TPST1: variants seen among roughly 807,000 people sequenced by gnomAD.
TPST1 encodes the protein tyrosylprotein sulfotransferase 1.
Under a neutral mutation model 34.8 loss-of-function variants are expected in TPST1, and 20 were observed. The ratio of observed to expected loss-of-function variants is 0.57; its 90% confidence interval spans 0.40 to 0.84. The LOEUF (loss-of-function observed/expected upper bound fraction) is 0.84, where lower values mean the gene tolerates loss of function less well. Among genes scored for constraint, TPST1 ranks in the 40% least tolerant of loss-of-function variants. TPST1 has a pLI of 0.00. For synonymous variants in TPST1, 152 were observed against 159.4 expected (o/e 0.95, Z 0.35); for missense variants, 353 against 455.5 (o/e 0.78, Z 2.05).
chr7:66,248,870 A>C (rs573860540), intron 2 of TPST1, among the ~76,000 whole-genome samples: 12 of 152,150 alleles, frequency 7.9e-5, no homozygotes, highest in African/African-American at 2.4e-4. Flanking sequence ...TTGGGCTGCT[A>C]TAACAAAATA....
At chr7:66,229,676 A>G (rs2116335383) in intron 1 of TPST1, among the ~76,000 whole-genome samples, 1 of 152,232 alleles carries the variant, frequency 6.6e-6, no homozygotes, top group South Asian at 2.1e-4. Flanking sequence ...GTAAGTATAT[A>G]TTTACATTTA....
Position 66,282,070 on chromosome 7 carries a change from T to C in TPST1, c.846-4441T>C, listed in dbSNP as rs540263438. Among the ~76,000 whole-genome samples, 3 of 152,252 alleles carry C rather than the reference T, an allele frequency of 2.0e-5. No individual in the cohort carries two copies. In the South Asian group the frequency reaches 6.2e-4, roughly 32 times the overall value. ...TGTACCAGTCTGTGAGGCACTATGT[T>C]TTGAGGTCTCAGTAAGCTAAAGGGG... On this transcript the variant is annotated intron_variant, in intron 2 of 5. Transcript: ENST00000304842.
intron 1 of TPST1, among the ~76,000 whole-genome samples, chr7:66,230,462 C>T (rs942953696): frequency 1.3e-5 from 2 of 152,088 alleles, no homozygotes; most frequent in South Asian, 2.1e-4. Context: ...CGGCTGTGTT[C>T]GGAGTTTCTT....
intron 2 of TPST1, among the ~76,000 whole-genome samples, chr7:66,264,214 T>A (rs1790545799): frequency 6.6e-6 from 1 of 152,196 alleles, no homozygotes; most frequent in African/African-American, 2.4e-5. Flanking sequence ...CATTGCTTCC[T>A]GAATCAAGAA....
chr7:66,240,605 C>T lies in TPST1; in HGVS notation c.180C>T (p.Asn60=). The change falls in exon 2 of 6, where the codon AAC becomes AAT. Residue 60 remains asparagine, a synonymous_variant. Transcript: ENST00000304842. ...TVRTGLDLKA[N]KTFAYHKDMP... ...GAACTGGCCTGGACCTCAAAGCCAA[C>T]AAAACCTTTGCCTATCACAAAGATA... 6.2e-7 allele frequency: 1 copy of T among 1,614,186 alleles called. No individual in the cohort carries two copies. Among genetic ancestry groups the T allele is most frequent in the Non-Finnish European group, 8.5e-7 (1 of 1,180,034 alleles).
chr7:66,209,438 A>G (rs1057245522), intron 1 of TPST1, among the ~76,000 whole-genome samples: 4 of 152,140 alleles, frequency 2.6e-5, no homozygotes. Context: ...GAACCTTTGA[A>G]GGATTTCTTC....
In TPST1 at chr7:66,240,873, G is replaced by A; in HGVS notation, c.448G>A (p.Gly150Arg). The change falls in exon 2 of 6, where the codon GGG (glycine) becomes AGG (arginine). Residue 150 changes from glycine (G) to arginine (R), a missense_variant. Gly to Arg is a moderately radical substitution (Grantham distance 125). Coordinates refer to ENST00000304842, the MANE Select transcript of TPST1 (RefSeq NM_003596.4). ...AFLLEIIVKHGEPAPYLCNKD... is the reference protein window; with the variant it reads ...AFLLEIIVKHREPAPYLCNKD... ...CTTACTAGAAATTATCGTTAAGCAT[G>A]GGGAGCCAGCCCCTTATTTATGTAA... is the stretch of plus-strand genomic sequence containing the variant. The A allele has an allele frequency of 6.2e-7, 1 of 1,614,152 alleles. No homozygotes were observed. Among genetic ancestry groups the A allele is most frequent in the Non-Finnish European group, 8.5e-7 (1 of 1,180,030 alleles).
intron 2 of TPST1, among the ~76,000 whole-genome samples, chr7:66,249,696 A>C (rs1790223320): frequency 6.6e-6 from 1 of 152,228 alleles, no homozygotes; most frequent in African/African-American, 2.4e-5. Flanking sequence ...TTGTGGACTC[A>C]GACTTTCTTG....
At chr7:66,294,283 G>A (rs1791146703) in intron 3 of TPST1, among the ~76,000 whole-genome samples, 1 of 152,042 alleles carries the variant, frequency 6.6e-6, no homozygotes, top group South Asian at 2.1e-4. Flanking sequence ...TTCACTGATA[G>A]GCTATTTGAT....
chr7:66,266,593 C>T (rs1414597887), intron 2 of TPST1, among the ~76,000 whole-genome samples: 4 of 152,202 alleles, frequency 2.6e-5, no homozygotes, highest in Non-Finnish European at 2.9e-5. Flanking sequence ...TATAGCAGCA[C>T]TATTCATAGT....
chr7:66,328,859 GCTCTCTCTCTCTCT>G (rs755431410), intron 3 of TPST1, among the ~76,000 whole-genome samples: 1 of 18,416 alleles, frequency 5.4e-5, no homozygotes, highest in Non-Finnish European at 9.8e-5. Context: ...TCTCTCTCCC[GCTCTCTCTCTCTCT>G]CTCTCTCTCT....
chr7:66,319,444 C>A (rs1791704277), intron 3 of TPST1, among the ~76,000 whole-genome samples: 1 of 152,174 alleles, frequency 6.6e-6, no homozygotes, highest in African/African-American at 2.4e-5. Flanking sequence ...TTTAAAACAT[C>A]AAAAGTTGAT....
At chr7:66,319,348 C>T (rs763145594) in intron 3 of TPST1, among the ~76,000 whole-genome samples, 13 of 152,074 alleles carry the variant, frequency 8.5e-5, no homozygotes, top group Non-Finnish European at 1.6e-4. Context: ...TGCTCTTTAA[C>T]GTGTCCAGTA....
upstream of TPST1, among the ~76,000 whole-genome samples, chr7:66,203,913 A>ATGCC (rs1789067374): frequency 1.3e-5 from 2 of 152,204 alleles, no homozygotes; most frequent in South Asian, 4.1e-4. Flanking sequence ...ACGGTGGCCC[A>ATGCC]TGCCTGTAAT....
At chr7:66,319,527 A>G (rs1022780472) in intron 3 of TPST1, among the ~76,000 whole-genome samples, 1 of 152,242 alleles carries the variant, frequency 6.6e-6, no homozygotes, top group Admixed American at 6.5e-5. Context: ...TCAAGAAGAT[A>G]GATATCTCTA....
chr7:66,354,161 C>T (rs1331726873), intron 4 of TPST1, among the ~76,000 whole-genome samples: 2 of 152,052 alleles, frequency 1.3e-5, no homozygotes, highest in African/African-American at 2.4e-5. Context: ...CAGAAGAATC[C>T]GACCACCTCG....
At chr7:66,278,100 C>CAAAAAAAAAAAA (rs35654351) in intron 2 of TPST1, among the ~76,000 whole-genome samples, 1 of 50,246 alleles carries the variant, frequency 2.0e-5, no homozygotes, top group Admixed American at 3.5e-4. Flanking sequence ...GACTCCATCT[C>CAAAAAAAAAAAA]AAAAAAAAAA....
intron 1 of TPST1, among the ~76,000 whole-genome samples, chr7:66,236,706 T>C (rs867281682): frequency 1.3e-5 from 2 of 152,176 alleles, no homozygotes; most frequent in South Asian, 2.1e-4. Context: ...CTTGGCAAAA[T>C]AGACTTTCTA....
At chr7:66,349,558 C>T (rs888629892) in intron 3 of TPST1, among the ~76,000 whole-genome samples, 3 of 151,954 alleles carry the variant, frequency 2.0e-5, no homozygotes, top group Non-Finnish European at 2.9e-5. Flanking sequence ...GGTGACAGAG[C>T]GAAACTCCGT....
Sources: allele counts gnomAD v4.1 joint callset (sites outside exome capture counted in the v4.1 genomes callset), GRCh38; gene constraint gnomAD v4.1.1; transcripts MANE v1.5; gene names NCBI Gene and HGNC (gene_info 2026-07-23, HGNC 2026-07-21).